The following FNIP2 variants were observed in gnomAD, a reference collection of about 807,000 sequenced individuals.
FNIP2 encodes folliculin interacting protein 2, also known as folliculin-interacting protein 2.
A neutral mutation model predicts 108.7 loss-of-function variants in FNIP2; 32 were observed. The ratio of observed to expected loss-of-function variants is 0.29; its 90% confidence interval spans 0.22 to 0.40. The LOEUF (loss-of-function observed/expected upper bound fraction) is 0.40, where lower values mean the gene tolerates loss of function less well. Ranked by LOEUF, FNIP2 falls within the 10% of genes least tolerant of loss-of-function variation. The pLI, the probability that FNIP2 is intolerant of heterozygous loss-of-function variation, is 1.00. For synonymous variants in FNIP2, 480 were observed against 496.7 expected, an observed-to-expected ratio of 0.97 and a Z score of 0.45; for missense variants, 1,202 against 1,381.6, an observed-to-expected ratio of 0.87 and a Z score of 2.06.
rs938960483 is a variant in FNIP2, at chr4:158,788,662, A to C, written c.107+19343A>C. Among the ~76,000 whole-genome samples the C allele has an allele frequency of 2.0e-5, 3 of 152,232 alleles. No homozygotes were observed. The East Asian group carries it at 5.8e-4, about 29-fold the overall frequency. On this transcript the variant is annotated intron_variant, in intron 1 of 16. Transcript: ENST00000264433. Reference sequence around the variant, plus strand: ...GCCGTACATATGGACAGGCCTCTTGAAAAGTTGCTGTATTCTTTAAGAAAA... The same window carrying C: ...GCCGTACATATGGACAGGCCTCTTGCAAAGTTGCTGTATTCTTTAAGAAAA...
intron 16 of FNIP2, among the ~76,000 whole-genome samples, chr4:158,902,637 A>T (rs1193197103): frequency 6.6e-6 from 1 of 152,252 alleles, no homozygotes; most frequent in East Asian, 1.9e-4. Context: ...TTTTATCTAT[A>T]AACCCCTAAC....
chr4:158,799,414 A>G (rs1287053962), intron 1 of FNIP2, among the ~76,000 whole-genome samples: 1 of 152,242 alleles, frequency 6.6e-6, no homozygotes, highest in African/African-American at 2.4e-5. Flanking sequence ...AAGTGGTACT[A>G]CCATAGAGCA....
chr4:158,775,492 C>T (rs1370821150), intron 1 of FNIP2, among the ~76,000 whole-genome samples: 1 of 152,142 alleles, frequency 6.6e-6, no homozygotes, highest in Non-Finnish European at 1.5e-5. Context: ...CTCAACCCCA[C>T]CCCATCTGTA....
At chr4:158,836,838 A>G (rs1471572204) in intron 7 of FNIP2, among the ~76,000 whole-genome samples, 1 of 143,796 alleles carries the variant, frequency 7.0e-6, no homozygotes, top group Non-Finnish European at 1.5e-5. Context: ...AAAAAAAAAA[A>G]GAGACTCATT....
chr4:158,780,798 T>A (rs766437579), intron 1 of FNIP2, among the ~76,000 whole-genome samples: 3 of 152,202 alleles, frequency 2.0e-5, no homozygotes, highest in Non-Finnish European at 2.9e-5. Flanking sequence ...TCTGGGAGGC[T>A]GAGGCAGGCA....
intron 1 of FNIP2, among the ~76,000 whole-genome samples, chr4:158,785,104 T>TTTTTTTTTTTTA (rs1776180899): frequency 6.7e-6 from 1 of 150,370 alleles, no homozygotes; most frequent in African/African-American, 2.5e-5. Flanking sequence ...TTTTTTTTTT[T>TTTTTTTTTTTTA]GAGCCAGAGT....
At chr4:158,793,916 T>C (rs972938205) in intron 1 of FNIP2, among the ~76,000 whole-genome samples, 1 of 152,036 alleles carries the variant, frequency 6.6e-6, no homozygotes, top group Non-Finnish European at 1.5e-5. Context: ...ATGTGAAGAG[T>C]TGTCTAGAAC....
intron 14 of FNIP2, among the ~76,000 whole-genome samples, chr4:158,876,754 G>T (rs1205527941): frequency 2.0e-5 from 3 of 152,226 alleles, no homozygotes; most frequent in Non-Finnish European, 2.9e-5. Flanking sequence ...TAAAACTGGG[G>T]TTAGAGTCAT....
At chr4:158,902,630 T>A (rs1729431189) in intron 16 of FNIP2, among the ~76,000 whole-genome samples, 1 of 152,206 alleles carries the variant, frequency 6.6e-6, no homozygotes. Context: ...ATGGGGGTTT[T>A]ATCTATAAAC....
intron 14 of FNIP2, among the ~76,000 whole-genome samples, chr4:158,878,550 C>T (rs139997120): frequency 6.6e-6 from 1 of 152,106 alleles, no homozygotes; most frequent in African/African-American, 2.4e-5. Flanking sequence ...GCATAGAAAC[C>T]TTTAGGACTC....
chr4:158,819,322 G>T (rs1190605505), intron 1 of FNIP2, among the ~76,000 whole-genome samples: 1 of 152,230 alleles, frequency 6.6e-6, no homozygotes, highest in Non-Finnish European at 1.5e-5. Flanking sequence ...AAAGATGGAA[G>T]AATTGTAACC....
intron 1 of FNIP2, among the ~76,000 whole-genome samples, chr4:158,797,112 A>G (rs759178016): frequency 4.6e-5 from 7 of 152,202 alleles, no homozygotes; most frequent in Non-Finnish European, 8.8e-5. Context: ...TGTCGTAGCT[A>G]TTAGAACTCT....
Position 158,907,281 on chromosome 4 carries a change from T to C in FNIP2, c.*2737T>C, listed in dbSNP as rs944005692. The C allele has an allele frequency of 3.3e-5, 5 of 152,252 alleles. No individual in the cohort carries two copies. The highest frequency in any genetic ancestry group is 1.3e-4 in the Admixed American group (2 of 15,284). The allele number at this position is 152,252 out of a possible 1,614,324, so 9.4% of individuals were successfully genotyped here. A position where few individuals can be genotyped will look rare whatever the true frequency, so the allele number is the denominator to read the frequency against. On this transcript the variant is annotated 3_prime_UTR_variant, in exon 17 of 17. Transcript: ENST00000264433. ...TATTTTATTTTTTATCAATCAGTGT[T>C]AAATAGCTTTTTGTACAGGCTTCAA...
At chr4:158,796,415 C>G (rs1296345061) in intron 1 of FNIP2, among the ~76,000 whole-genome samples, 1 of 151,914 alleles carries the variant, frequency 6.6e-6, no homozygotes, top group Admixed American at 6.6e-5. Flanking sequence ...GCTTATTGTT[C>G]CCAAGGAACT....
chr4:158,864,212 G>A (rs746749894), intron 12 of FNIP2, among the ~76,000 whole-genome samples: 12 of 152,038 alleles, frequency 7.9e-5, no homozygotes, highest in Non-Finnish European at 1.8e-4. Flanking sequence ...TTTTGTAAAG[G>A]CAGAGTTTTG....
rs1729945589 is a variant in FNIP2 at position 158,907,541 on chromosome 4, A to G, written c.*2997A>G. 6.6e-6 allele frequency: 1 copy of G among 152,170 alleles called. No homozygotes were observed. The highest frequency in any genetic ancestry group is 1.5e-5 in the Non-Finnish European group (1 of 68,036). 9.4% of individuals were successfully genotyped at this position (152,170 alleles called of 1,614,324 possible). ...TAGTCTGTAGCTTTTTAGGTTCTTC[A>G]CTAGAGTTGGTTGTACATAAAAATA... On this transcript the variant is annotated 3_prime_UTR_variant, in exon 17 of 17. Coordinates refer to ENST00000264433, the MANE Select transcript of FNIP2 (RefSeq NM_020840.3).
intron 16 of FNIP2, 39 bp from the exon 17 acceptor site, chr4:158,904,427 T>A: frequency 6.7e-7 from 1 of 1,493,942 alleles, no homozygotes; most frequent in Non-Finnish European, 9.3e-7. Flanking sequence ...AAAACCATGC[T>A]CTTTTAAAGT....
chr4:158,782,752 C>T (rs6858538), intron 1 of FNIP2, among the ~76,000 whole-genome samples: 3,752 of 152,158 alleles, frequency 0.025, 138 homozygotes, highest in African/African-American at 0.081. Context: ...GAGGGAGAGA[C>T]ATTTGTATCA....
chr4:158,802,621 A>G (rs1424507876), intron 1 of FNIP2, among the ~76,000 whole-genome samples: 1 of 152,216 alleles, frequency 6.6e-6, no homozygotes, highest in African/African-American at 2.4e-5. Flanking sequence ...ATGCATGAAT[A>G]CTTACCTAGA....
Sources: gnomAD v4.1 joint callset for allele counts (sites outside exome capture counted in the v4.1 genomes callset) on GRCh38, gnomAD v4.1.1 for gene constraint, MANE v1.5 for transcripts, NCBI Gene and HGNC (gene_info 2026-07-23, HGNC 2026-07-21) for gene names.